WDR49: variants seen among roughly 807,000 people sequenced by gnomAD.
WDR49 encodes cilia- and flagella-associated protein 337.
In WDR49, 107 loss-of-function variants were observed where a neutral mutation model predicts 119.5. The ratio of observed to expected loss-of-function variants is 0.90; its 90% confidence interval spans 0.77 to 1.05. The LOEUF is 1.05. Ranked by LOEUF, WDR49 falls within the 50% of genes least tolerant of loss-of-function variation. The pLI is 0.00. For missense variants in WDR49, 1,240 were observed against 1,220.5 expected (o/e 1.02, Z -0.24); for synonymous variants, 425 against 418.8 (o/e 1.01, Z -0.18).
intron 16 of WDR49, among the ~76,000 whole-genome samples, chr3:167,508,594 A>AC (rs1443486913): frequency 3.3e-5 from 5 of 152,042 alleles, no homozygotes; most frequent in South Asian, 2.1e-4. Flanking sequence ...GAGTTCTAAC[A>AC]CCCCCCTACA....
intron 10 of WDR49, among the ~76,000 whole-genome samples, 162 bp from the exon 11 acceptor site, chr3:167,537,162 C>T (rs73878740): frequency 1.2e-3 from 182 of 152,190 alleles, no homozygotes; most frequent in African/African-American, 4.0e-3. Context: ...CCACACTAAA[C>T]ATTTTTATTA....
At chr3:167,590,365 T>C (rs1292688935) in intron 7 of WDR49, among the ~76,000 whole-genome samples, 1 of 152,128 alleles carries the variant, frequency 6.6e-6, no homozygotes, top group Non-Finnish European at 1.5e-5. Context: ...GTGGTTTTCT[T>C]TTCTGATGTG....
intron 10 of WDR49, among the ~76,000 whole-genome samples, chr3:167,550,721 C>G (rs1404813288): frequency 6.7e-6 from 1 of 148,334 alleles, no homozygotes; most frequent in Non-Finnish European, 1.5e-5. Flanking sequence ...AGAGATTTCT[C>G]CTTTATAGAA....
In WDR49 at chr3:167,537,001, C is replaced by A; in HGVS notation, c.1824-1G>T. The A allele has an allele frequency of 1.3e-6, 2 of 1,569,794 alleles. No individual in the cohort carries two copies. The highest frequency in any genetic ancestry group is 1.7e-6 in the Non-Finnish European group (2 of 1,160,742). The stretch of plus-strand genomic sequence containing the variant: ...TTGGGGTCGAAACACAGTAATAGCC[C>A]TAGCAAAAAGGATATAGAATTTAGC... On this transcript the variant is annotated splice_acceptor_variant, in intron 10 of 18. Coordinates refer to ENST00000682715, the MANE Select transcript of WDR49 (RefSeq NM_001366157.1). LOFTEE classifies it high-confidence loss of function.
intron 8 of WDR49, among the ~76,000 whole-genome samples, chr3:167,564,667 G>A (rs918654011): frequency 6.6e-6 from 1 of 152,124 alleles, no homozygotes; most frequent in Admixed American, 6.5e-5. Context: ...CAGGACACAT[G>A]GGCCTCCTCA....
At chr3:167,571,993 T>C (rs1713964307) in intron 8 of WDR49, among the ~76,000 whole-genome samples, 1 of 152,212 alleles carries the variant, frequency 6.6e-6, no homozygotes, top group South Asian at 2.1e-4. Context: ...ATAACACAAG[T>C]ATATTATCTA....
chr3:167,572,343 G>T (rs1342019016), intron 8 of WDR49, among the ~76,000 whole-genome samples: 1 of 152,202 alleles, frequency 6.6e-6, no homozygotes, highest in Non-Finnish European at 1.5e-5. Flanking sequence ...AAAAGTCACG[G>T]AAATGTTCCA....
intron 5 of WDR49, among the ~76,000 whole-genome samples, chr3:167,608,486 A>T (rs1307962139): frequency 6.6e-6 from 1 of 152,146 alleles, no homozygotes; most frequent in Admixed American, 6.5e-5. Flanking sequence ...ACAAAACGAC[A>T]TTTATGGGCC....
chr3:167,617,303 A>C (rs1411871602), intron 5 of WDR49, among the ~76,000 whole-genome samples: 1 of 152,290 alleles, frequency 6.6e-6, no homozygotes, highest in Non-Finnish European at 1.5e-5. Flanking sequence ...CAGATGAGTG[A>C]ATTACTTGAG....
chr3:167,613,120 T>C (rs1716424043), intron 5 of WDR49, among the ~76,000 whole-genome samples: 3 of 152,142 alleles, frequency 2.0e-5, no homozygotes, highest in South Asian at 2.1e-4. Flanking sequence ...GTTGTACTTA[T>C]TTCACATTTT....
chr3:167,617,438 A>T (rs1045632114), intron 5 of WDR49, among the ~76,000 whole-genome samples: 1 of 152,220 alleles, frequency 6.6e-6, no homozygotes, highest in African/African-American at 2.4e-5. Flanking sequence ...GAGGCACAAG[A>T]ATCGCTGAAC....
chr3:167,647,565 T>C (rs1718182052), intron 2 of WDR49, among the ~76,000 whole-genome samples: 1 of 152,210 alleles, frequency 6.6e-6, no homozygotes, highest in South Asian at 2.1e-4. Flanking sequence ...CCATTTCTAA[T>C]TGTGCCAACT....
intron 13 of WDR49, among the ~76,000 whole-genome samples, chr3:167,529,930 C>T (rs1243840086): frequency 6.6e-6 from 1 of 151,992 alleles, no homozygotes; most frequent in Non-Finnish European, 1.5e-5. Context: ...CAGTTTGCTT[C>T]ACAAATGTAC....
chr3:167,526,927 C>A (rs1312276261), intron 15 of WDR49, among the ~76,000 whole-genome samples: 1 of 152,048 alleles, frequency 6.6e-6, no homozygotes, highest in Non-Finnish European at 1.5e-5. Flanking sequence ...TAAACTTATA[C>A]CAGGTTTGAA....
At chr3:167,535,039 G>A (rs1261103958) in intron 11 of WDR49, among the ~76,000 whole-genome samples, 1 of 152,106 alleles carries the variant, frequency 6.6e-6, no homozygotes, top group African/African-American at 2.4e-5. Context: ...TTAAATGCTT[G>A]CACAGATAAT....
At chr3:167,631,069 G>A (rs1304485546) in intron 2 of WDR49, among the ~76,000 whole-genome samples, 1 of 151,756 alleles carries the variant, frequency 6.6e-6, no homozygotes, top group African/African-American at 2.4e-5. Flanking sequence ...AAAACAATGA[G>A]ATCACTTGGA....
intron 2 of WDR49, among the ~76,000 whole-genome samples, chr3:167,652,126 G>A (rs1718413574): frequency 1.3e-5 from 2 of 152,180 alleles, no homozygotes; most frequent in South Asian, 2.1e-4. Flanking sequence ...TCAGACAAAT[G>A]AGGTTGGTTG....
intron 18 of WDR49, among the ~76,000 whole-genome samples, chr3:167,485,200 G>A (rs1344723232): frequency 6.6e-6 from 1 of 151,928 alleles, no homozygotes; most frequent in Non-Finnish European, 1.5e-5. Flanking sequence ...TTGGGTGGTT[G>A]GGGGGAAGGG....
chr3:167,598,585 T>C (rs1267864701), intron 7 of WDR49, among the ~76,000 whole-genome samples: 1 of 152,198 alleles, frequency 6.6e-6, no homozygotes, highest in Non-Finnish European at 1.5e-5. Context: ...AAGATGTGCC[T>C]TGCTTCCCCT....
Sources: gnomAD v4.1 joint callset for allele counts (sites outside exome capture counted in the v4.1 genomes callset) on GRCh38, gnomAD v4.1.1 for gene constraint, MANE v1.5 for transcripts, NCBI Gene and HGNC (gene_info 2026-07-23, HGNC 2026-07-21) for gene names.